The following XKR9 variants were observed in gnomAD, a reference collection of about 807,000 sequenced individuals.
XKR9 encodes the protein XK-related protein 9.
XKR9 carries 32 observed loss-of-function variants against 32.0 expected under a neutral mutation model. The ratio of observed to expected loss-of-function variants is 1.00; its 90% confidence interval spans 0.76 to 1.34. The LOEUF (loss-of-function observed/expected upper bound fraction) is 1.34. XKR9 is among the 40% of genes most tolerant of loss of function. The probability of loss-of-function intolerance (pLI) is 0.00; values close to 1 mark genes in which losing one functional copy is unlikely to be tolerated. For synonymous variants in XKR9, 168 were observed against 143.4 expected, an observed-to-expected ratio of 1.17 and a Z score of -1.22; for missense variants, 546 against 429.7, an observed-to-expected ratio of 1.27 and a Z score of -2.39.
intron 2 of XKR9, among the ~76,000 whole-genome samples, chr8:70,746,224 G>T (rs369752651): frequency 1.3e-5 from 2 of 149,736 alleles, no homozygotes; most frequent in East Asian, 1.9e-4. Context: ...ATTCCATAAA[G>T]AATATGATTA....
At chr8:71,024,862 G>C in the XKR9 span, among the ~76,000 whole-genome samples, 1 of 152,074 alleles carries the variant, frequency 6.6e-6, no homozygotes, top group African/African-American at 2.4e-5. Flanking sequence ...GTTCTCTCTT[G>C]GTTGTTCTAT....
chr8:70,848,420 A>G, the XKR9 span, among the ~76,000 whole-genome samples: 11,036 of 151,866 alleles, frequency 0.073, 477 homozygotes, highest in Non-Finnish European at 0.089. Flanking sequence ...TTCATTTAAC[A>G]TAATACTGAA....
chr8:70,799,991 G>A, the XKR9 span, among the ~76,000 whole-genome samples: 1 of 152,280 alleles, frequency 6.6e-6, no homozygotes, highest in East Asian at 1.9e-4. Flanking sequence ...GATGTTGGCT[G>A]TGGGTTTGTC....
At chr8:71,016,050 T>C in the XKR9 span, among the ~76,000 whole-genome samples, 1 of 152,064 alleles carries the variant, frequency 6.6e-6, no homozygotes, top group Non-Finnish European at 1.5e-5. Flanking sequence ...CATGGCTGCT[T>C]AGCAATCCAT....
the XKR9 span, among the ~76,000 whole-genome samples, chr8:70,952,067 T>C: frequency 6.6e-6 from 1 of 151,600 alleles, no homozygotes; most frequent in South Asian, 2.1e-4. Context: ...GAGAATACTT[T>C]CCTATATGTT....
intron 4 of XKR9, among the ~76,000 whole-genome samples, chr8:70,710,181 G>A (rs765737634): frequency 3.9e-5 from 6 of 152,110 alleles, no homozygotes; most frequent in Non-Finnish European, 8.8e-5. Flanking sequence ...ACAGTAACAA[G>A]CAACAGGGAA....
chr8:70,700,639 G>T (rs1288263511), intron 3 of XKR9, among the ~76,000 whole-genome samples: 1 of 152,144 alleles, frequency 6.6e-6, no homozygotes, highest in Middle Eastern at 3.2e-3. Context: ...AGGGGTCAGG[G>T]ACCCACTTGA....
chr8:71,034,033 T>C, the XKR9 span, among the ~76,000 whole-genome samples: 2 of 152,222 alleles, frequency 1.3e-5, no homozygotes, highest in Non-Finnish European at 2.9e-5. Flanking sequence ...TCCTCTTTTC[T>C]TGAATTTGAG....
At chr8:70,947,703 T>C in the XKR9 span, among the ~76,000 whole-genome samples, 2 of 152,250 alleles carry the variant, frequency 1.3e-5, no homozygotes, top group African/African-American at 4.8e-5. Flanking sequence ...TGCTTGGTTA[T>C]ACCAGGACTA....
At chr8:70,710,249 T>C (rs1016906860) in intron 4 of XKR9, among the ~76,000 whole-genome samples, 1 of 152,200 alleles carries the variant, frequency 6.6e-6, no homozygotes, top group African/African-American at 2.4e-5. Flanking sequence ...TTTAGAAGAT[T>C]GAAACTGGAC....
chr8:70,758,974 T>A (rs1807268000), intron 2 of XKR9, among the ~76,000 whole-genome samples: 1 of 152,220 alleles, frequency 6.6e-6, no homozygotes, highest in African/African-American at 2.4e-5. Flanking sequence ...GAGGTCTACC[T>A]ATTGTTCTGA....
At chr8:70,927,642 T>C in the XKR9 span, among the ~76,000 whole-genome samples, 1 of 152,182 alleles carries the variant, frequency 6.6e-6, no homozygotes, top group Non-Finnish European at 1.5e-5. Flanking sequence ...ACCTCTTTTA[T>C]AAGGGCATTA....
At chr8:70,780,485 T>C (rs1013280929) in intron 2 of XKR9, among the ~76,000 whole-genome samples, 4 of 152,138 alleles carry the variant, frequency 2.6e-5, no homozygotes, top group Non-Finnish European at 4.4e-5. Flanking sequence ...TTTTGACTTA[T>C]GTACTATATA....
At chr8:71,033,035 G>T in the XKR9 span, among the ~76,000 whole-genome samples, 1 of 149,870 alleles carries the variant, frequency 6.7e-6, no homozygotes, top group African/African-American at 2.5e-5. Flanking sequence ...AGTGAGCCGA[G>T]ATCGTGCCAT....
the XKR9 span, among the ~76,000 whole-genome samples, chr8:70,991,917 T>C: frequency 0.043 from 2 of 46 alleles, no homozygotes; most frequent in Non-Finnish European, 0.1. Context: ...TTGTTACCTG[T>C]TGACTTCTCC....
chr8:70,726,806 G>C (rs1311068722), intron 4 of XKR9, among the ~76,000 whole-genome samples: 1 of 152,164 alleles, frequency 6.6e-6, no homozygotes, highest in Non-Finnish European at 1.5e-5. Context: ...GAGAAAGTTA[G>C]CTAAAGCTTT....
intron 2 of XKR9, among the ~76,000 whole-genome samples, chr8:70,788,789 T>C (rs1281987970): frequency 6.6e-6 from 1 of 152,080 alleles, no homozygotes; most frequent in African/African-American, 2.4e-5. Context: ...TTAACAAAAA[T>C]TTGACCTGAT....
chr8:70,707,815 A>G (rs942482313), intron 4 of XKR9, among the ~76,000 whole-genome samples: 1 of 152,060 alleles, frequency 6.6e-6, no homozygotes, highest in Admixed American at 6.6e-5. Context: ...TAAGGTAAAA[A>G]TGTTCATTTT....
Position 70,734,320 on chromosome 8 carries a change from T to A in XKR9, c.1018T>A (p.Tyr340Asn). Residue 340 changes from tyrosine (Y) to asparagine (N), a missense_variant, in exon 5 of 5, where the codon TAT (tyrosine) becomes AAT (asparagine). Coordinates refer to ENST00000408926, the MANE Select transcript of XKR9 (RefSeq NM_001011720.2). ...TGGAATTCTTTTTCTTATTGTTTATTATGGGAGTTTTCACCCAAACAGAAG... is the reference window on the plus strand; with the variant it reads ...TGGAATTCTTTTTCTTATTGTTTATAATGGGAGTTTTCACCCAAACAGAAG... The part of the protein sequence containing the change: ...LLGILFLIVY[Y>N]GSFHPNRSAE... 6.2e-7 allele frequency: 1 copy of A among 1,612,586 alleles called. No homozygotes were observed. Among genetic ancestry groups the A allele is most frequent in the Non-Finnish European group, 8.5e-7 (1 of 1,179,502 alleles).
Sources: allele counts gnomAD v4.1 joint callset (sites outside exome capture counted in the v4.1 genomes callset), GRCh38; gene constraint gnomAD v4.1.1; transcripts MANE v1.5; gene names NCBI Gene and HGNC (gene_info 2026-07-23, HGNC 2026-07-21).